Variants in HEXB observed in about 807,000 individuals in gnomAD.
The protein encoded by HEXB is hexosaminidase subunit beta.
A neutral mutation model predicts 71.2 loss-of-function variants in HEXB; 51 were observed. The ratio of observed to expected loss-of-function variants is 0.72; its 90% CI spans 0.57 to 0.90. HEXB has a LOEUF of 0.90. Among genes scored for constraint, HEXB ranks in the 40% least tolerant of loss-of-function variants. The pLI is 0.00. For missense variants in HEXB, 617 were observed against 677.0 expected (o/e 0.91, Z 0.98); for synonymous variants, 266 against 249.3 (o/e 1.07, Z -0.63).
intron 1 of HEXB, among the ~76,000 whole-genome samples, chr5:74,659,502 GA>G (rs1561204006): frequency 6.6e-6 from 1 of 152,156 alleles, no homozygotes; most frequent in East Asian, 1.9e-4. Context: ...GCAGGGTAGT[GA>G]AATATGAGTC....
chr5:74,675,293 C>T (rs1748611220), intron 1 of HEXB, among the ~76,000 whole-genome samples: 1 of 152,098 alleles, frequency 6.6e-6, no homozygotes, highest in African/African-American at 2.4e-5. Context: ...GTGGGGGATT[C>T]TTACTAAACT....
intron 10 of HEXB, 83 bp downstream of exon 10, chr5:74,718,446 C>A (rs1283741657): frequency 3.0e-6 from 3 of 1,007,998 alleles, no homozygotes; most frequent in Non-Finnish European, 4.8e-6. Context: ...GCAAGTCTAA[C>A]TACTAGTATT....
intron 5 of HEXB, among the ~76,000 whole-genome samples, chr5:74,697,980 C>T (rs1490885622): frequency 7.9e-5 from 12 of 152,000 alleles, no homozygotes; most frequent in African/African-American, 2.9e-4. Flanking sequence ...CATCACCTGC[C>T]AATTTGTAGG....
At position 74,697,060 on chromosome 5, in the gene HEXB, A is replaced by G; in HGVS notation, c.623A>G (p.Asp208Gly). 1 of 1,569,988 alleles carries G rather than the reference A, an allele frequency of 6.4e-7. No individual in the cohort carries two copies. The highest frequency in any genetic ancestry group is 8.8e-7 in the Non-Finnish European group (1 of 1,140,500). ...TTTTCTCACAGAGGAATTTTGATTG[A>G]TACATCCAGACATTATCTGCCAGTT... is the stretch of plus-strand genomic sequence containing the variant. ...PRFSHRGILI[D>G]TSRHYLPVKI... is the part of the protein sequence containing the mutation. The change falls in exon 5 of 14, where the codon GAT becomes GGT. Residue 208 changes from aspartate to glycine, a missense_variant. By Grantham distance (94) the Asp-to-Gly change is moderately conservative (BLOSUM62 -1). Transcript: ENST00000261416.
chr5:74,657,552 A>G (rs1181239784), intron 1 of HEXB, among the ~76,000 whole-genome samples: 1 of 152,214 alleles, frequency 6.6e-6, no homozygotes, highest in Non-Finnish European at 1.5e-5. Context: ...AACTCCCACA[A>G]GGAAGCAAGC....
chr5:74,681,996 A>T (rs1284170297), upstream of HEXB, among the ~76,000 whole-genome samples: 2 of 152,270 alleles, frequency 1.3e-5, no homozygotes, highest in Non-Finnish European at 2.9e-5. Flanking sequence ...CAAGTAACTC[A>T]GGCTTTCAGC....
intron 1 of HEXB, among the ~76,000 whole-genome samples, chr5:74,645,357 G>A (rs1357304617): frequency 1.3e-5 from 2 of 152,120 alleles, no homozygotes; most frequent in African/African-American, 4.8e-5. Context: ...GGGTGCCATG[G>A]TACCTGGCTC....
At chr5:74,665,602 T>G (rs954005903) in intron 1 of HEXB, among the ~76,000 whole-genome samples, 2 of 152,202 alleles carry the variant, frequency 1.3e-5, no homozygotes, top group African/African-American at 4.8e-5. Flanking sequence ...GCTTTCTTAA[T>G]GAGAAACTGG....
At chr5:74,705,561 A>C (rs889004237) in intron 6 of HEXB, 6 of 492,122 alleles carry the variant, frequency 1.2e-5, no homozygotes, top group Non-Finnish European at 2.2e-5. Context: ...GTGTAAATCG[A>C]AATTTAACAA....
intron 9 of HEXB, 44 bp downstream of exon 9, chr5:74,716,717 A>G (rs900669756): frequency 2.4e-6 from 3 of 1,224,614 alleles, no homozygotes; most frequent in Non-Finnish European, 2.4e-6. Context: ...GCTTTTTGTA[A>G]AAGTTTATTT....
intron 1 of HEXB, among the ~76,000 whole-genome samples, chr5:74,655,515 T>C (rs1455321776): frequency 1.3e-5 from 2 of 151,998 alleles, no homozygotes; most frequent in Non-Finnish European, 2.9e-5. Flanking sequence ...AATGTATTTT[T>C]AGTAGAGACA....
At chr5:74,654,434 C>A (rs1049935803) in intron 1 of HEXB, among the ~76,000 whole-genome samples, 7 of 152,136 alleles carry the variant, frequency 4.6e-5, no homozygotes, top group African/African-American at 1.7e-4. Context: ...CAGAATCACA[C>A]AAAGACATTC....
At position 74,716,609 on chromosome 5, in the gene HEXB, G is replaced by T; in HGVS notation, c.1105G>T (p.Asp369Tyr). ...CAGGGAATCAAATCCAAAAATTCAA[G>T]ATTTCATGAGGCAAAAAGGCTTTGG... is the stretch of plus-strand genomic sequence containing the variant. Reference protein sequence around the residue: ...KCWESNPKIQDFMRQKGFGTD... With the variant: ...KCWESNPKIQYFMRQKGFGTD... Residue 369 changes from aspartate to tyrosine, a missense_variant, in exon 9 of 14, where the codon GAT becomes TAT. Coordinates refer to ENST00000261416, the MANE Select transcript of HEXB (RefSeq NM_000521.4). 6.2e-7 allele frequency: 1 copy of T among 1,608,746 alleles called. No homozygotes were observed. The highest frequency in any genetic ancestry group is 1.3e-5 in the African/African-American group (1 of 74,896).
chr5:74,675,290 A>G (rs1748611119), intron 1 of HEXB, among the ~76,000 whole-genome samples: 1 of 152,088 alleles, frequency 6.6e-6, no homozygotes, highest in Admixed American at 6.5e-5. Flanking sequence ...ACAGTGGGGG[A>G]TTCTTACTAA....
chr5:74,692,760 A>G (rs991775713), intron 2 of HEXB, among the ~76,000 whole-genome samples: 2 of 152,214 alleles, frequency 1.3e-5, no homozygotes, highest in Non-Finnish European at 2.9e-5. Flanking sequence ...TTAAATCATT[A>G]ATCTCCAGCC....
intron 7 of HEXB, among the ~76,000 whole-genome samples, chr5:74,714,831 C>A (rs1337232949): frequency 6.6e-6 from 1 of 152,120 alleles, no homozygotes; most frequent in Non-Finnish European, 1.5e-5. Flanking sequence ...AGCACATTAG[C>A]GGGCCTTTGG....
upstream of HEXB, among the ~76,000 whole-genome samples, chr5:74,684,753 C>T (rs916607570): frequency 1.3e-5 from 2 of 150,466 alleles, no homozygotes; most frequent in Non-Finnish European, 3.0e-5. Context: ...TCTCGGCTCA[C>T]TGCAACCTCC....
At position 74,641,580 on chromosome 5, in the gene HEXB, A is replaced by C. The variant is rs1342038588; in HGVS notation, c.-377+1022A>C. On this transcript the variant is annotated intron_variant, in intron 1 of 13. Coordinates refer to the HEXB transcript ENST00000511181. The surrounding 1 kb of genome is among the most constrained non-coding windows in gnomAD (Gnocchi z 4.1). ...CTCTCCTAGCGATTAAGCCTCCATC[A>C]CCTTCTCCTGTTTTTTATCGCTCGG... Among the ~76,000 whole-genome samples the C allele has an allele frequency of 6.6e-6, 1 of 151,010 alleles. No homozygotes were observed. Among genetic ancestry groups the C allele is most frequent in the Non-Finnish European group, 1.5e-5 (1 of 67,678 alleles).
intron 1 of HEXB, among the ~76,000 whole-genome samples, chr5:74,667,383 C>T (rs1748450844): frequency 6.6e-6 from 1 of 152,020 alleles, no homozygotes; most frequent in African/African-American, 2.4e-5. Context: ...CACGCCATTG[C>T]ACTCCAGCCT....
Sources: allele counts gnomAD v4.1 joint callset (sites outside exome capture counted in the v4.1 genomes callset), GRCh38; gene constraint gnomAD v4.1.1; non-coding constraint Gnocchi (gnomAD v3.1); transcripts MANE v1.5; gene names NCBI Gene and HGNC (gene_info 2026-07-23, HGNC 2026-07-21).